The following RABGEF1 variants were observed in gnomAD, a reference collection of about 807,000 sequenced individuals.
The protein encoded by RABGEF1 is rab5 GDP/GTP exchange factor.
Under a neutral mutation model 57.3 loss-of-function variants are expected in RABGEF1, and 26 were observed. That is an observed-to-expected ratio of 0.45 (90% CI 0.33 to 0.63). The LOEUF is 0.63. RABGEF1 is among the 20% of genes least tolerant of loss of function. RABGEF1 has a pLI of 0.02. For synonymous variants in RABGEF1, 185 were observed against 210.7 expected (o/e 0.88, Z 1.06); for missense variants, 464 against 607.6 (o/e 0.76, Z 2.48).
At chr7:66,799,997 AC>A (rs1389334088) in intron 7 of RABGEF1, among the ~76,000 whole-genome samples, 2 of 152,218 alleles carry the variant, frequency 1.3e-5, no homozygotes, top group Non-Finnish European at 2.9e-5. Flanking sequence ...ATGGGAATGA[AC>A]CAGCAAGAGT....
chr7:66,810,607 C>A lies in RABGEF1; in HGVS notation c.*1323C>A, dbSNP rs1789320885. 1 of 152,160 alleles carries A rather than the reference C, an allele frequency of 6.6e-6. No individual in the cohort carries two copies. The highest frequency in any genetic ancestry group is 2.1e-4 in the South Asian group (1 of 4,830). The allele number at this position is 152,160 out of a possible 1,614,324, so 9.4% of individuals were successfully genotyped here. On this transcript the variant is annotated 3_prime_UTR_variant, in exon 9 of 9. Transcript: ENST00000284957. ...TTGACAGCTACCTGCATTGTAGAAC[C>A]TTTTCTTATCTCAGTGGAACCTTCT...
intron 5 of RABGEF1, chr7:66,796,779 G>A (rs1276232241): frequency 3.0e-6 from 1 of 333,622 alleles, no homozygotes; most frequent in African/African-American, 2.3e-5. Flanking sequence ...TTATTAGAGA[G>A]GAGATTTCAC....
the RABGEF1 span, among the ~76,000 whole-genome samples, chr7:66,663,144 C>T: frequency 6.6e-6 from 1 of 152,356 alleles, no homozygotes; most frequent in African/African-American, 2.4e-5. Context: ...AGTTAACTAA[C>T]CCAACCTATT....
intron 1 of RABGEF1, among the ~76,000 whole-genome samples, chr7:66,703,762 GT>G (rs1443182950): frequency 6.6e-6 from 1 of 152,094 alleles, no homozygotes; most frequent in African/African-American, 2.4e-5. Context: ...TTTCAAGACT[GT>G]TTTTGGCTGA....
At chr7:66,672,390 C>T in the RABGEF1 span, among the ~76,000 whole-genome samples, 1 of 152,154 alleles carries the variant, frequency 6.6e-6, no homozygotes, top group Non-Finnish European at 1.5e-5. Context: ...CGAGATCGTG[C>T]CACTGCACTC....
chr7:66,757,218 T>C (rs1802947674), intron 1 of RABGEF1, among the ~76,000 whole-genome samples: 1 of 152,236 alleles, frequency 6.6e-6, no homozygotes, highest in Non-Finnish European at 1.5e-5. Flanking sequence ...AATGTTTTTC[T>C]ACAAGTGTTT....
chr7:66,763,923 T>C (rs913167914), intron 1 of RABGEF1, among the ~76,000 whole-genome samples: 24 of 152,258 alleles, frequency 1.6e-4, no homozygotes, highest in Admixed American at 2.0e-4. Flanking sequence ...TGGACTATTA[T>C]GGATAATGCT....
chr7:66,692,355 C>G (rs1791649361), intron 1 of RABGEF1, among the ~76,000 whole-genome samples: 1 of 152,134 alleles, frequency 6.6e-6, no homozygotes, highest in Non-Finnish European at 1.5e-5. Flanking sequence ...GGCATCTCCT[C>G]CCATGTAAAA....
intron 1 of RABGEF1, among the ~76,000 whole-genome samples, chr7:66,687,454 C>G (rs141378456): frequency 0.01 from 1,370 of 134,704 alleles, 10 homozygotes; most frequent in Middle Eastern, 0.026. Context: ...ACTCCATAAC[C>G]AAGAGAAGTA....
chr7:66,740,591 A>C (rs117096093), upstream of RABGEF1: 1,544 of 152,646 alleles, frequency 0.01, 15 homozygotes, highest in Non-Finnish European at 0.018. Context: ...GACCCTTTGG[A>C]TCCACTCGCA....
At chr7:66,765,230 A>G (rs976843648) in intron 1 of RABGEF1, among the ~76,000 whole-genome samples, 1 of 151,554 alleles carries the variant, frequency 6.6e-6, no homozygotes, top group African/African-American at 2.4e-5. Flanking sequence ...GCCTAAAGTT[A>G]CATTTCCAGT....
At chr7:66,676,282 C>CAA in the RABGEF1 span, among the ~76,000 whole-genome samples, 233 of 149,628 alleles carry the variant, frequency 1.6e-3, no homozygotes, top group African/African-American at 5.2e-3. Flanking sequence ...GACTTCGTTT[C>CAA]AAAAAATATA....
chr7:66,703,972 A>G (rs1268217093), intron 1 of RABGEF1, among the ~76,000 whole-genome samples: 4 of 152,180 alleles, frequency 2.6e-5, no homozygotes, highest in Admixed American at 1.3e-4. Flanking sequence ...TCTTTCAACA[A>G]TGTTGTGTAC....
chr7:66,810,184 A>AG lies in RABGEF1; in HGVS notation c.*904dup, dbSNP rs564673169. On this transcript the variant is annotated 3_prime_UTR_variant, in exon 9 of 9. Transcript: ENST00000284957. ...CGGGGTCCCTCAGCTGTGAGATGCA[A>AG]GGGGCGCCTTGCAGCCTCCATAATA... 6.6e-6 allele frequency: 1 copy of AG among 152,170 alleles called. No homozygotes were observed. Among genetic ancestry groups the AG allele is most frequent in the Non-Finnish European group, 1.5e-5 (1 of 68,034 alleles). 9.4% of individuals were successfully genotyped at this position (152,170 alleles called of 1,614,324 possible).
At chr7:66,769,581 G>C (rs1325528689) in intron 1 of RABGEF1, among the ~76,000 whole-genome samples, 1 of 152,282 alleles carries the variant, frequency 6.6e-6, no homozygotes, top group African/African-American at 2.4e-5. Flanking sequence ...TTCATTCCTT[G>C]GCCTGGACGT....
At chr7:66,670,461 T>C in the RABGEF1 span, among the ~76,000 whole-genome samples, 1 of 69,778 alleles carries the variant, frequency 1.4e-5, no homozygotes, top group Admixed American at 1.6e-4. Context: ...TTTTTTTTTT[T>C]TTTGGCTAGA....
intron 2 of RABGEF1, among the ~76,000 whole-genome samples, chr7:66,713,912 A>G (rs1795065676): frequency 6.6e-6 from 1 of 152,214 alleles, no homozygotes; most frequent in Non-Finnish European, 1.5e-5. Context: ...CATTGCTGAT[A>G]TAAAACTGCC....
chr7:66,730,067 G>A (rs748619496), intron 2 of RABGEF1, among the ~76,000 whole-genome samples: 4 of 152,206 alleles, frequency 2.6e-5, no homozygotes, highest in Non-Finnish European at 4.4e-5. Context: ...TAGACTCAGG[G>A]TGGCCTCCAA....
chr7:66,788,614 A>G (rs1811805571), intron 4 of RABGEF1, among the ~76,000 whole-genome samples: 1 of 152,150 alleles, frequency 6.6e-6, no homozygotes, highest in Non-Finnish European at 1.5e-5. Flanking sequence ...TCTTCTTTCT[A>G]AGGAAGCAGT....
Sources: gnomAD v4.1 joint callset for allele counts (sites outside exome capture counted in the v4.1 genomes callset) on GRCh38, gnomAD v4.1.1 for gene constraint, MANE v1.5 for transcripts, NCBI Gene and HGNC (gene_info 2026-07-23, HGNC 2026-07-21) for gene names.